The following ME3 variants were observed in gnomAD, a reference collection of about 807,000 sequenced individuals.
ME3 encodes the protein malic enzyme 3, also known as NADP-dependent malic enzyme, mitochondrial.
A neutral mutation model predicts 68.9 loss-of-function variants in ME3; 48 were observed. The ratio of observed to expected loss-of-function variants is 0.70; its 90% confidence interval spans 0.55 to 0.89. The LOEUF (loss-of-function observed/expected upper bound fraction) is 0.89, where lower values mean the gene tolerates loss of function less well. Among genes scored for constraint, ME3 ranks in the 40% least tolerant of loss-of-function variants. The pLI, the probability that ME3 is intolerant of heterozygous loss-of-function variation, is 0.00. For missense variants in ME3, 675 were observed against 797.4 expected, an observed-to-expected ratio of 0.85 and a Z score of 1.85; for synonymous variants, 320 against 318.8, an observed-to-expected ratio of 1.00 and a Z score of -0.04.
intron 2 of ME3, among the ~76,000 whole-genome samples, chr11:86,666,998 T>C (rs187011733): frequency 2.2e-4 from 33 of 152,328 alleles, no homozygotes; most frequent in Admixed American, 5.2e-4. Context: ...TAAATCATCA[T>C]TGAATACAGA....
At chr11:86,606,420 G>T (rs7940654) in intron 2 of ME3, among the ~76,000 whole-genome samples, 128,966 of 152,084 alleles carry the variant, frequency 0.85, 54,856 homozygotes, top group Middle Eastern at 0.89. Flanking sequence ...TGGCCACTTA[G>T]AGCCACACAC....
intron 2 of ME3, among the ~76,000 whole-genome samples, chr11:86,562,109 CCTT>C (rs1957266359): frequency 1.3e-5 from 2 of 152,156 alleles, no homozygotes; most frequent in Non-Finnish European, 2.9e-5. Context: ...CGACCACTGA[CCTT>C]CTTTACTGAC....
At chr11:86,671,679 C>T in intron 2 of ME3, 83 bp downstream of exon 2, 1 of 1,535,032 alleles carries the variant, frequency 6.5e-7, no homozygotes, top group Non-Finnish European at 8.8e-7. Flanking sequence ...CGGGAGGATC[C>T]TTTCTGGGTC....
chr11:86,543,084 C>G (rs1332164513), intron 4 of ME3, among the ~76,000 whole-genome samples: 2 of 152,160 alleles, frequency 1.3e-5, no homozygotes, highest in Non-Finnish European at 2.9e-5. Context: ...AAATAAAATC[C>G]TTTACAGACA....
At chr11:86,587,075 A>G (rs545035441) in intron 2 of ME3, among the ~76,000 whole-genome samples, 8 of 152,318 alleles carry the variant, frequency 5.3e-5, no homozygotes, top group African/African-American at 1.9e-4. Context: ...TAGGGTTACA[A>G]AGGAGGTAGA....
chr11:86,447,285 G>A (rs1465513667), intron 11 of ME3, 78 bp from the exon 12 acceptor site: 2 of 1,546,336 alleles, frequency 1.3e-6, no homozygotes, highest in East Asian at 2.3e-5. Flanking sequence ...GGTGGTGGGG[G>A]AACTAGGAAT....
At chr11:86,465,347 G>C in intron 7 of ME3, 147 bp from the exon 8 acceptor site, 1 of 655,868 alleles carries the variant, frequency 1.5e-6, no homozygotes, top group Non-Finnish European at 2.8e-6. Context: ...CCACTGGTTG[G>C]CTCCTGGACT....
At chr11:86,507,329 A>G (rs770596023) in intron 5 of ME3, among the ~76,000 whole-genome samples, 1 of 152,210 alleles carries the variant, frequency 6.6e-6, no homozygotes, top group Non-Finnish European at 1.5e-5. Context: ...GAGCTCCTCA[A>G]ATATGGGCCC....
chr11:86,468,407 CCATCCATCCAT>C (rs1950601545), intron 7 of ME3, among the ~76,000 whole-genome samples: 1 of 152,076 alleles, frequency 6.6e-6, no homozygotes, highest in Non-Finnish European at 1.5e-5. Context: ...CATCATCCAT[CCATCCATCCAT>C]CATCCATCCA....
intron 2 of ME3, among the ~76,000 whole-genome samples, chr11:86,661,426 G>A (rs1946269578): frequency 6.6e-6 from 1 of 152,208 alleles, no homozygotes; most frequent in Non-Finnish European, 1.5e-5. Flanking sequence ...GCATGTCAAA[G>A]TACTGGAGAG....
At chr11:86,624,984 A>G (rs1943569094) in intron 2 of ME3, among the ~76,000 whole-genome samples, 1 of 152,216 alleles carries the variant, frequency 6.6e-6, no homozygotes, top group East Asian at 1.9e-4. Flanking sequence ...GAGTTGGCAA[A>G]TGACATGCTT....
At chr11:86,575,603 T>C (rs1958053243) in intron 2 of ME3, among the ~76,000 whole-genome samples, 1 of 119,140 alleles carries the variant, frequency 8.4e-6, no homozygotes, top group Non-Finnish European at 1.8e-5. Context: ...TTGGTTGCCT[T>C]TTAGAGGAGA....
intron 8 of ME3, among the ~76,000 whole-genome samples, chr11:86,458,155 G>A (rs546519075): frequency 6.6e-6 from 1 of 152,340 alleles, no homozygotes; most frequent in African/African-American, 2.4e-5. Context: ...AGTAGATACT[G>A]CCATTCATTT....
At chr11:86,442,589 T>C (rs1386629805) in intron 14 of ME3, among the ~76,000 whole-genome samples, 1 of 152,022 alleles carries the variant, frequency 6.6e-6, no homozygotes, top group Non-Finnish European at 1.5e-5. Flanking sequence ...CCTTTCTGCT[T>C]GGTGTATTAG....
chr11:86,568,120 G>A (rs942676532), intron 2 of ME3, among the ~76,000 whole-genome samples: 2 of 152,160 alleles, frequency 1.3e-5, no homozygotes, highest in African/African-American at 4.8e-5. Flanking sequence ...ATATAAGACA[G>A]GCGGCTTTTG....
chr11:86,444,974 T>A (rs7122296), intron 13 of ME3, among the ~76,000 whole-genome samples: 16,310 of 152,162 alleles, frequency 0.11, 1,427 homozygotes, highest in African/African-American at 0.24. Context: ...TCATGAAATG[T>A]TGGAGCTGAA....
intron 2 of ME3, among the ~76,000 whole-genome samples, chr11:86,641,529 C>T (rs1944674579): frequency 6.6e-6 from 1 of 152,138 alleles, no homozygotes; most frequent in African/African-American, 2.4e-5. Context: ...CAGTGTTAGA[C>T]CCCATTATAA....
intron 2 of ME3, among the ~76,000 whole-genome samples, chr11:86,575,755 G>A (rs542302254): frequency 4.8e-4 from 73 of 152,318 alleles, no homozygotes; most frequent in African/African-American, 1.7e-3. Flanking sequence ...CCCGAAGACA[G>A]GGCCATGACT....
At chr11:86,597,736 G>A (rs1959762904) in intron 2 of ME3, among the ~76,000 whole-genome samples, 1 of 152,142 alleles carries the variant, frequency 6.6e-6, no homozygotes, top group Non-Finnish European at 1.5e-5. Flanking sequence ...CACGGCCCGT[G>A]ACAGGGCCCT....
Sources: gnomAD v4.1 joint callset for allele counts (sites outside exome capture counted in the v4.1 genomes callset) on GRCh38, gnomAD v4.1.1 for gene constraint, MANE v1.5 for transcripts, NCBI Gene and HGNC (gene_info 2026-07-23, HGNC 2026-07-21) for gene names.